Variants in SEPSECS observed in about 807,000 individuals in gnomAD.
SEPSECS encodes Sep (O-phosphoserine) tRNA:Sec (selenocysteine) tRNA synthase.
SEPSECS carries 42 observed loss-of-function variants against 52.1 expected under a neutral mutation model. The observed-to-expected ratio is 0.81, with a 90% confidence interval of 0.63 to 1.04. The LOEUF (loss-of-function observed/expected upper bound fraction) is 1.04, where lower values mean the gene tolerates loss of function less well. Among genes scored for constraint, SEPSECS ranks in the 50% least tolerant of loss-of-function variants. SEPSECS has a pLI of 0.00. For missense variants in SEPSECS, 590 were observed against 610.6 expected, an observed-to-expected ratio of 0.97 and a Z score of 0.36; for synonymous variants, 216 against 211.4, an observed-to-expected ratio of 1.02 and a Z score of -0.19.
intron 8 of SEPSECS, among the ~76,000 whole-genome samples, chr4:25,138,851 G>T (rs988255255): frequency 3.3e-5 from 5 of 152,148 alleles, no homozygotes; most frequent in Non-Finnish European, 5.9e-5. Flanking sequence ...CCCTCCTTCT[G>T]ATCTAATGAA....
chr4:25,133,804 T>C (rs1728713747), intron 8 of SEPSECS, among the ~76,000 whole-genome samples: 1 of 151,700 alleles, frequency 6.6e-6, no homozygotes, highest in Non-Finnish European at 1.5e-5. Context: ...CATAGAAATA[T>C]ACAGTAGATT....
Position 25,145,003 on chromosome 4 carries a change from C to T in SEPSECS, c.934+1G>A. On this transcript the variant is annotated splice_donor_variant, in intron 7 of 10. Transcript: ENST00000382103. LOFTEE classifies it high-confidence loss of function. ...TTCTGAAAAGCAACTTATTTATTTACCTGGATACATCTTGCTGATTTCCTG... is the reference window on the plus strand; with the variant it reads ...TTCTGAAAAGCAACTTATTTATTTATCTGGATACATCTTGCTGATTTCCTG... The T allele has an allele frequency of 6.2e-7, 1 of 1,613,872 alleles. No individual in the cohort carries two copies. The highest frequency in any genetic ancestry group is 8.5e-7 in the Non-Finnish European group (1 of 1,179,926).
intron 8 of SEPSECS, among the ~76,000 whole-genome samples, chr4:25,137,813 C>T (rs747451191): frequency 6.6e-6 from 1 of 152,110 alleles, no homozygotes; most frequent in Non-Finnish European, 1.5e-5. Flanking sequence ...ATGGAATCAA[C>T]CCAAACACTC....
intron 6 of SEPSECS, among the ~76,000 whole-genome samples, chr4:25,146,761 A>G (rs1481924246): frequency 6.6e-6 from 1 of 152,198 alleles, no homozygotes; most frequent in Non-Finnish European, 1.5e-5. Context: ...GCTACATCTA[A>G]GTCATCAGTA....
rs1275394047 is a variant in SEPSECS at position 25,122,555 on chromosome 4, A to G, written c.*1376T>C. On this transcript the variant is annotated 3_prime_UTR_variant, in exon 11 of 11. Transcript: ENST00000382103. ...TGGGTTATTTAGTGAAGGAATTCTT[A>G]GAGCCTTCAATATGCCAACAGGCAG... 1.3e-5 allele frequency: 2 copies of G among 152,228 alleles called. No homozygotes were observed. Among genetic ancestry groups the G allele is most frequent in the African/African-American group, 4.8e-5 (2 of 41,470 alleles). 9.4% of individuals were successfully genotyped at this position (152,228 alleles called of 1,614,324 possible).
At chr4:25,132,956 T>C (rs1457617878) in intron 8 of SEPSECS, among the ~76,000 whole-genome samples, 4 of 152,196 alleles carry the variant, frequency 2.6e-5, no homozygotes, top group Non-Finnish European at 5.9e-5. Flanking sequence ...GGGCGAGTAC[T>C]TAACTCCTCT....
chr4:25,159,157 T>G (rs1305911448), intron 1 of SEPSECS, 50 bp from the exon 2 acceptor site: 1 of 1,398,682 alleles, frequency 7.1e-7, no homozygotes, highest in African/African-American at 1.5e-5. Context: ...ACTACCGTTC[T>G]CTAGAATACT....
chr4:25,138,995 T>C (rs796733252), intron 8 of SEPSECS, among the ~76,000 whole-genome samples: 2 of 152,324 alleles, frequency 1.3e-5, no homozygotes, highest in African/African-American at 4.8e-5. Context: ...GTACTAGCCA[T>C]CAGTATTACC....
In SEPSECS at chr4:25,145,018, CT is replaced by C. The variant is rs1260383512; in HGVS notation, c.919del (p.Ser307AlafsTer14). The stretch of plus-strand genomic sequence containing the variant: ...TATTTATTTACCTGGATACATCTTG[CT>C]GATTTCCTGAATGAATGAATCATTA... ...GFNDSFIQEISKMYPGRASAS... is the reference protein window; with the variant it reads ...GFNDSFIQEIXKMYPGRASAS... On this transcript the variant is annotated frameshift_variant, in exon 7 of 11. Transcript: ENST00000382103. LOFTEE classifies it high-confidence loss of function. The C allele has an allele frequency of 6.2e-6, 10 of 1,613,778 alleles. No individual in the cohort carries two copies. Among genetic ancestry groups the C allele is most frequent in the Non-Finnish European group, 8.5e-6 (10 of 1,179,930 alleles).
Position 25,144,860 on chromosome 4 carries a change from C to T in SEPSECS, c.940G>A (p.Ala314Thr), listed in dbSNP as rs1711861589. 6.2e-7 allele frequency: 1 copy of T among 1,611,996 alleles called. No individual in the cohort carries two copies. Among genetic ancestry groups the T allele is most frequent in the South Asian group, 1.1e-5 (1 of 91,028 alleles). Residue 314 changes from alanine (A) to threonine (T), a missense_variant, in exon 8 of 11, where the codon GCT becomes ACT. Transcript: ENST00000382103. ...QEISKMYPGR[A>T]SASPSLDVLI... ...ACATCTAAAGAAGGTGAAGCTGAAG[C>T]TCTTCCTGAAATAAGAAGGATAAGT...
chr4:25,156,205 A>G lies in SEPSECS; in HGVS notation c.389-10T>C, dbSNP rs777854893. On this transcript the variant is annotated splice_polypyrimidine_tract_variant and intron_variant, in intron 3 of 10. Transcript: ENST00000382103. ...GCTACTGTATGGACACCTACAAATA[A>G]GAAGCAAAACAGAAATCTGTTATCC... is the stretch of plus-strand genomic sequence containing the variant. 6 of 1,613,432 alleles carry G rather than the reference A, an allele frequency of 3.7e-6. No homozygotes were observed. Among genetic ancestry groups the G allele is most frequent in the African/African-American group, 1.3e-5 (1 of 75,034 alleles).
rs1481503880 is a variant in SEPSECS at position 25,156,888 on chromosome 4, T to A, written c.356A>T (p.Asn119Ile). Reference protein sequence around the residue: ...AGSSLLNKITNSLVLDIIKLA... With the variant: ...AGSSLLNKITISLVLDIIKLA... ...CTTTATAATGTCCAGGACCAAAGAATTGGTAATTTTGTTCAAAAGGCTAGA... is the reference window on the plus strand; with the variant it reads ...CTTTATAATGTCCAGGACCAAAGAAATGGTAATTTTGTTCAAAAGGCTAGA... The change falls in exon 3 of 11, where the codon AAT becomes ATT. Residue 119 changes from asparagine to isoleucine, a missense_variant. Transcript: ENST00000382103. 1 of 1,609,020 alleles carries A rather than the reference T, an allele frequency of 6.2e-7. No individual in the cohort carries two copies. Among genetic ancestry groups the A allele is most frequent in the Non-Finnish European group, 8.5e-7 (1 of 1,175,508 alleles).
chr4:25,125,873 C>T, intron 9 of SEPSECS, 89 bp from the exon 10 acceptor site: 1 of 815,544 alleles, frequency 1.2e-6, no homozygotes, highest in Non-Finnish European at 2.1e-6. Context: ...GAAGGCATTA[C>T]TTTTTATTCA....
At chr4:25,125,474 A>G in intron 10 of SEPSECS, 1 of 557,240 alleles carries the variant, frequency 1.8e-6, no homozygotes, top group Non-Finnish European at 3.2e-6. Flanking sequence ...TATGAAAACA[A>G]ACAAGATTCA....
chr4:25,123,798 C>T lies in SEPSECS; in HGVS notation c.*133G>A. On this transcript the variant is annotated 3_prime_UTR_variant, in exon 11 of 11. Transcript: ENST00000382103. The stretch of plus-strand genomic sequence containing the variant: ...ACAATCATCAATGGCTAGTTCAGAC[C>T]AAAGTCTGCTCCTTGACTGAATATT... 1 of 779,584 alleles carries T rather than the reference C, an allele frequency of 1.3e-6. No homozygotes were observed. The highest frequency in any genetic ancestry group is 2.2e-6 in the Non-Finnish European group (1 of 461,834). The allele number at this position is 779,584 out of a possible 1,614,324, so 48.3% of individuals were successfully genotyped here.
At chr4:25,147,855 G>C (rs1712055267) in intron 6 of SEPSECS, among the ~76,000 whole-genome samples, 1 of 152,006 alleles carries the variant, frequency 6.6e-6, no homozygotes, top group African/African-American at 2.4e-5. Flanking sequence ...ATTTTCTCAA[G>C]AAAAGACTTA....
intron 2 of SEPSECS, 113 bp downstream of exon 2, chr4:25,158,840 G>A (rs771646936): frequency 9.6e-7 from 1 of 1,046,252 alleles, no homozygotes; most frequent in Non-Finnish European, 1.5e-6. Context: ...GAGCAGGGAA[G>A]AAGTGGTTTA....
chr4:25,144,660 G>A, intron 8 of SEPSECS, 114 bp downstream of exon 8: 1 of 773,948 alleles, frequency 1.3e-6, no homozygotes, highest in Non-Finnish European at 2.3e-6. Flanking sequence ...AATACTATCG[G>A]ACCATACTAG....
chr4:25,123,985 C>T lies in SEPSECS; in HGVS notation c.1452G>A (p.Met484Ile). The T allele has an allele frequency of 1.2e-6, 2 of 1,613,502 alleles. No individual in the cohort carries two copies. The highest frequency in any genetic ancestry group is 1.7e-6 in the Non-Finnish European group (2 of 1,179,556). ...DKTEDVDIEEMALKLDNVLLD... is the reference protein window; with the variant it reads ...DKTEDVDIEEIALKLDNVLLD... The stretch of plus-strand genomic sequence containing the variant: ...GAAGTACATTATCTAGTTTTAAAGC[C>T]ATTTCTTCAATATCCACATCTTCAG... Residue 484 changes from methionine (M) to isoleucine (I), a missense_variant, in exon 11 of 11, where the codon ATG (methionine) becomes ATA (isoleucine). Met to Ile is a conservative substitution (Grantham distance 10). Coordinates refer to ENST00000382103, the MANE Select transcript of SEPSECS (RefSeq NM_016955.4).
Sources: allele counts gnomAD v4.1 joint callset (sites outside exome capture counted in the v4.1 genomes callset), GRCh38; gene constraint gnomAD v4.1.1; transcripts MANE v1.5; gene names NCBI Gene and HGNC (gene_info 2026-07-23, HGNC 2026-07-21).